Variants in PPP2R5E observed in about 807,000 individuals in gnomAD.
PPP2R5E encodes serine/threonine-protein phosphatase 2A 56 kDa regulatory subunit epsilon isoform.
PPP2R5E carries 4 observed loss-of-function variants against 65.3 expected under a neutral mutation model. The observed-to-expected ratio is 0.06, with a 90% CI of 0.03 to 0.14. PPP2R5E has a LOEUF of 0.14. Ranked by LOEUF, PPP2R5E falls within the 10% of genes least tolerant of loss-of-function variation. The pLI is 1.00. For missense variants in PPP2R5E, 274 were observed against 556.1 expected, an observed-to-expected ratio of 0.49 and a Z score of 5.10; for synonymous variants, 183 against 187.4, an observed-to-expected ratio of 0.98 and a Z score of 0.19.
At chr14:63,508,224 TGC>T in intron 2 of PPP2R5E, 2 of 985,514 alleles carry the variant, frequency 2.0e-6, no homozygotes, top group Non-Finnish European at 1.2e-6. Flanking sequence ...GGAGCCACTA[TGC>T]ACACAAATGC....
intron 3 of PPP2R5E, among the ~76,000 whole-genome samples, chr14:63,425,785 C>T (rs1887298798): frequency 6.6e-6 from 1 of 152,154 alleles, no homozygotes; most frequent in African/African-American, 2.4e-5. Context: ...AAACAAACTT[C>T]AACATTTTCT....
intron 2 of PPP2R5E, among the ~76,000 whole-genome samples, chr14:63,503,969 A>C (rs1207099646): frequency 6.6e-6 from 1 of 152,190 alleles, no homozygotes; most frequent in East Asian, 1.9e-4. Flanking sequence ...CCAAAATCAC[A>C]CGCCAGTGTC....
At chr14:63,519,463 C>G (rs962252430) in intron 2 of PPP2R5E, among the ~76,000 whole-genome samples, 1 of 151,396 alleles carries the variant, frequency 6.6e-6, no homozygotes, top group South Asian at 2.1e-4. Flanking sequence ...TGATTCTCCC[C>G]CCGAGTAGCT....
rs555021596 is a variant in PPP2R5E, at chr14:63,449,473, C to A, written c.354+4216G>T. Among the ~76,000 whole-genome samples, 12 of 152,260 alleles carry A rather than the reference C, an allele frequency of 7.9e-5. No individual in the cohort carries two copies. In the East Asian group the frequency reaches 1.9e-3, roughly 24 times the overall value. On this transcript the variant is annotated intron_variant, in intron 3 of 13. Coordinates refer to ENST00000337537, the MANE Select transcript of PPP2R5E (RefSeq NM_006246.5). ...TGTCGCTAGTCCTCACAAAACCCCC[C>A]AAAGACAGGTATTACACAAATTAGG...
At chr14:63,520,121 C>T (rs1235076433) in intron 2 of PPP2R5E, among the ~76,000 whole-genome samples, 3 of 151,980 alleles carry the variant, frequency 2.0e-5, no homozygotes, top group African/African-American at 7.2e-5. Flanking sequence ...CTGCAAACTC[C>T]GCCTCCCGGG....
rs144986417 is a variant in PPP2R5E, at chr14:63,513,974, A to G, written c.157+25555T>C. On this transcript the variant is annotated intron_variant, in intron 2 of 13. Transcript: ENST00000337537. ...TCTTTAGGTCCTGGGCTCCAGCCCA[A>G]TGTTTTCTACGGCATATTTCAAGGA... Among the ~76,000 whole-genome samples, 270 of 152,326 alleles carry G rather than the reference A, an allele frequency of 1.8e-3. 1 individual carries two copies. The highest frequency in any genetic ancestry group is 4.7e-3 in the African/African-American group (195 of 41,576).
intron 2 of PPP2R5E, among the ~76,000 whole-genome samples, chr14:63,483,493 G>A (rs143131384): frequency 5.9e-5 from 9 of 152,280 alleles, no homozygotes; most frequent in East Asian, 3.9e-4. Context: ...TAAATAGCCC[G>A]TGCAGAAAGG....
intron 3 of PPP2R5E, among the ~76,000 whole-genome samples, chr14:63,427,696 CA>C (rs1887417898): frequency 2.0e-5 from 3 of 152,136 alleles, no homozygotes; most frequent in Non-Finnish European, 4.4e-5. Flanking sequence ...AAGGACAAAG[CA>C]AGGCTGAAGG....
At chr14:63,466,521 C>T (rs1351515707) in intron 2 of PPP2R5E, among the ~76,000 whole-genome samples, 1 of 152,106 alleles carries the variant, frequency 6.6e-6, no homozygotes, top group Non-Finnish European at 1.5e-5. Flanking sequence ...AGTACACAGT[C>T]CCCTAATTGT....
intron 2 of PPP2R5E, among the ~76,000 whole-genome samples, chr14:63,533,781 C>A (rs926886149): frequency 1.3e-5 from 2 of 152,058 alleles, no homozygotes; most frequent in African/African-American, 4.8e-5. Context: ...CCCGTCTCTA[C>A]TAAAAATATA....
At chr14:63,430,397 A>ACATACATACATG (rs1412861430) in intron 3 of PPP2R5E, among the ~76,000 whole-genome samples, 6 of 137,126 alleles carry the variant, frequency 4.4e-5, no homozygotes, top group African/African-American at 1.9e-4. Flanking sequence ...ATACATACAT[A>ACATACATACATG]CATGCATACA....
intron 5 of PPP2R5E, among the ~76,000 whole-genome samples, chr14:63,412,933 T>C (rs1886481870): frequency 6.6e-6 from 1 of 152,162 alleles, no homozygotes. Flanking sequence ...AAAGGTTATG[T>C]CTGGGCTACA....
At chr14:63,457,669 G>C (rs1284016270) in intron 2 of PPP2R5E, among the ~76,000 whole-genome samples, 1 of 152,178 alleles carries the variant, frequency 6.6e-6, no homozygotes, top group Non-Finnish European at 1.5e-5. Context: ...CCAGGAAAGG[G>C]ATCCCACAGA....
intron 2 of PPP2R5E, among the ~76,000 whole-genome samples, chr14:63,459,538 A>G (rs1002098584): frequency 6.6e-6 from 1 of 152,240 alleles, no homozygotes; most frequent in African/African-American, 2.4e-5. Context: ...AATGCACATA[A>G]GCAAATAAAA....
intron 2 of PPP2R5E, among the ~76,000 whole-genome samples, chr14:63,488,025 T>A (rs1032754052): frequency 5.9e-5 from 9 of 152,204 alleles, no homozygotes; most frequent in African/African-American, 2.2e-4. Flanking sequence ...GAAGCACCTT[T>A]TACATTATAC....
chr14:63,445,002 G>C (rs1041860614), intron 3 of PPP2R5E, among the ~76,000 whole-genome samples: 4 of 152,168 alleles, frequency 2.6e-5, no homozygotes, highest in African/African-American at 9.7e-5. Flanking sequence ...AGACTGTGTT[G>C]ATCAAAAGAG....
At chr14:63,519,195 CA>C (rs1892782782) in intron 2 of PPP2R5E, among the ~76,000 whole-genome samples, 1 of 151,282 alleles carries the variant, frequency 6.6e-6, no homozygotes, top group Non-Finnish European at 1.5e-5. Context: ...GGCTGGGCAA[CA>C]AGAGCGAGAC....
chr14:63,497,148 G>A (rs1891610830), intron 2 of PPP2R5E, among the ~76,000 whole-genome samples: 1 of 152,008 alleles, frequency 6.6e-6, no homozygotes, highest in Admixed American at 6.6e-5. Context: ...CTTTATTCAG[G>A]CAGTTATGAT....
chr14:63,381,583 TAATAAATA>T (rs78707675), intron 13 of PPP2R5E, among the ~76,000 whole-genome samples: 1 of 151,916 alleles, frequency 6.6e-6, no homozygotes, highest in East Asian at 1.9e-4. Context: ...AGTGGCACAG[TAATAAATA>T]AATAAAGACA....
Sources: gnomAD v4.1 joint callset for allele counts (sites outside exome capture counted in the v4.1 genomes callset) on GRCh38, gnomAD v4.1.1 for gene constraint, MANE v1.5 for transcripts, NCBI Gene and HGNC (gene_info 2026-07-23, HGNC 2026-07-21) for gene names.